The following PACSIN1 variants were observed in gnomAD, a reference collection of about 807,000 sequenced individuals.
PACSIN1 encodes protein kinase C and casein kinase substrate in neurons protein 1.
In PACSIN1, 15 loss-of-function variants were observed where a neutral mutation model predicts 59.5. The observed-to-expected ratio is 0.25, with a 90% CI of 0.17 to 0.39. The LOEUF is 0.39. PACSIN1 is among the 10% of genes least tolerant of loss of function. PACSIN1 has a pLI of 1.00. For synonymous variants in PACSIN1, 210 were observed against 220.6 expected (o/e 0.95, Z 0.42); for missense variants, 420 against 580.2 (o/e 0.72, Z 2.84).
In PACSIN1 at chr6:34,529,958, G is replaced by A; in HGVS notation, c.788+117G>A. 1 of 1,195,668 alleles carries A rather than the reference G, an allele frequency of 8.4e-7. No individual in the cohort carries two copies. The highest frequency in any genetic ancestry group is 1.5e-5 in the South Asian group (1 of 68,140). The allele number at this position is 1,195,668 out of a possible 1,614,324, so 74.1% of individuals were successfully genotyped here. ...CGGGAAGGGGAGGCAGAGCTGCAGGGGTCAAGAAGGATGAGGCTTCAAACA... is the reference window on the plus strand; with the variant it reads ...CGGGAAGGGGAGGCAGAGCTGCAGGAGTCAAGAAGGATGAGGCTTCAAACA... On this transcript the variant is annotated intron_variant, in intron 6 of 9. Coordinates refer to ENST00000244458, the MANE Select transcript of PACSIN1 (RefSeq NM_020804.5). This position sits in a 1 kb window ranked among gnomAD's most constrained non-coding sequence, Gnocchi z 6.3.
chr6:34,512,904 T>C (rs1581977055), intron 1 of PACSIN1, among the ~76,000 whole-genome samples: 1 of 152,226 alleles, frequency 6.6e-6, no homozygotes, highest in East Asian at 1.9e-4. Flanking sequence ...CCTTTGTCAT[T>C]GTGGACAAAC....
At chr6:34,492,195 C>CCCT (rs1766887089) in intron 1 of PACSIN1, among the ~76,000 whole-genome samples, 1 of 80,182 alleles carries the variant, frequency 1.2e-5, no homozygotes, top group African/African-American at 4.7e-5. Flanking sequence ...CTTTTTTGAC[C>CCCT]TTTTTTTTTT....
chr6:34,491,016 G>T (rs2127252626), intron 1 of PACSIN1, among the ~76,000 whole-genome samples: 1 of 151,864 alleles, frequency 6.6e-6, no homozygotes, highest in East Asian at 1.9e-4. Context: ...GCTCGCCGGG[G>T]GTCACTTCTG....
At chr6:34,528,921 C>T (rs1490965422) in intron 4 of PACSIN1, 44 bp downstream of exon 4, 1 of 1,372,208 alleles carries the variant, frequency 7.3e-7, no homozygotes. Flanking sequence ...GTGGGCCCGT[C>T]TGATCAGAGG....
At position 34,528,656 on chromosome 6, in the gene PACSIN1, AG is replaced by A. The variant is rs1767531744; in HGVS notation, c.236del (p.Ser79ThrfsTer9). The A allele has an allele frequency of 6.2e-7, 1 of 1,613,684 alleles. No homozygotes were observed. The highest frequency in any genetic ancestry group is 8.5e-7 in the Non-Finnish European group (1 of 1,179,898). On this transcript the variant is annotated frameshift_variant, in exon 4 of 10. Transcript: ENST00000244458. LOFTEE classifies it high-confidence loss of function. The stretch of plus-strand genomic sequence containing the variant: ...CATTCCCTCAGGCCCACAGTATGGC[AG>A]CCTGGAGCGGGCCTGGGGTGCCATA... ...QLIEKGPQYG[S>X]LERAWGAIMT... is the part of the protein sequence containing the mutation.
Position 34,488,286 on chromosome 6 carries a change from CTAT to C in PACSIN1, c.-64+22021_-64+22023del, listed in dbSNP as rs1385648835. Among the ~76,000 whole-genome samples, 1 of 152,288 alleles carries C rather than the reference CTAT, an allele frequency of 6.6e-6. No individual in the cohort carries two copies. Among genetic ancestry groups the C allele is most frequent in the African/African-American group, 2.4e-5 (1 of 41,572 alleles). The stretch of plus-strand genomic sequence containing the variant: ...CCAGGGAATTACCTGGCTGCCAAGG[CTAT>C]TATTCTTCCCTGCCCCTTGCCATAC... On this transcript the variant is annotated intron_variant, in intron 1 of 9. Transcript: ENST00000244458. The surrounding 1 kb of genome is among the most constrained non-coding windows in gnomAD (Gnocchi z 4.7).
intron 1 of PACSIN1, among the ~76,000 whole-genome samples, chr6:34,470,934 T>C (rs1766563679): frequency 6.6e-6 from 1 of 152,176 alleles, no homozygotes; most frequent in Non-Finnish European, 1.5e-5. Context: ...GTGTCCTGAA[T>C]TTTTATTTTA....
At chr6:34,480,696 A>C (rs896217873) in intron 1 of PACSIN1, among the ~76,000 whole-genome samples, 8 of 152,156 alleles carry the variant, frequency 5.3e-5, no homozygotes, top group South Asian at 2.1e-4. Context: ...TTTCTGCTCT[A>C]TATATATCCC....
chr6:34,472,013 A>G (rs1766577845), intron 1 of PACSIN1, among the ~76,000 whole-genome samples: 1 of 152,188 alleles, frequency 6.6e-6, no homozygotes, highest in Non-Finnish European at 1.5e-5. Flanking sequence ...TCACGTACTG[A>G]TAAGTTAAAG....
Position 34,514,600 on chromosome 6 carries a change from G to A in PACSIN1, c.-63-11643G>A, listed in dbSNP as rs1007166590. On this transcript the variant is annotated intron_variant, in intron 1 of 9. Transcript: ENST00000244458. The surrounding 1 kb of genome is among the most constrained non-coding windows in gnomAD (Gnocchi z 4.4). ...TCTTGGGGAGAAAGGGAAGAAAGGG[G>A]ATGGAGCAGGGCTTCCCAGTCGAGG... Among the ~76,000 whole-genome samples the A allele has an allele frequency of 4.3e-4, 65 of 152,110 alleles. No homozygotes were observed. The highest frequency in any genetic ancestry group is 1.5e-3 in the African/African-American group (63 of 41,424).
intron 1 of PACSIN1, among the ~76,000 whole-genome samples, chr6:34,522,818 G>A (rs1767416617): frequency 6.6e-6 from 1 of 152,248 alleles, no homozygotes; most frequent in Non-Finnish European, 1.5e-5. Flanking sequence ...AAAGGCCACA[G>A]AACCTGGAGA....
chr6:34,507,369 T>G (rs1387136160), intron 1 of PACSIN1, among the ~76,000 whole-genome samples: 1 of 152,118 alleles, frequency 6.6e-6, no homozygotes, highest in Non-Finnish European at 1.5e-5. Flanking sequence ...CTGTTTGTTT[T>G]ATATATAGGG....
At chr6:34,481,416 C>T (rs2127245232) in intron 1 of PACSIN1, among the ~76,000 whole-genome samples, 1 of 152,262 alleles carries the variant, frequency 6.6e-6, no homozygotes, top group South Asian at 2.1e-4. Flanking sequence ...GGTGCGGTGG[C>T]TCACGCCTGT....
chr6:34,513,379 G>T (rs73746666), intron 1 of PACSIN1, among the ~76,000 whole-genome samples: 2,293 of 152,244 alleles, frequency 0.015, 50 homozygotes, highest in African/African-American at 0.047. Flanking sequence ...TCTGGGGAGT[G>T]TGGGGTCCCT....
chr6:34,506,997 G>T (rs1320625392), intron 1 of PACSIN1, among the ~76,000 whole-genome samples: 2 of 152,204 alleles, frequency 1.3e-5, no homozygotes. Flanking sequence ...TGGGCCTGGG[G>T]CTGTAGTTTC....
chr6:34,478,304 C>T (rs1378290274), intron 1 of PACSIN1, among the ~76,000 whole-genome samples: 2 of 151,102 alleles, frequency 1.3e-5, no homozygotes, highest in South Asian at 2.1e-4. Flanking sequence ...AGTGATCCAC[C>T]CTCCTCGGCC....
chr6:34,501,027 T>C (rs1173959158), intron 1 of PACSIN1, among the ~76,000 whole-genome samples: 1 of 152,268 alleles, frequency 6.6e-6, no homozygotes, highest in African/African-American at 2.4e-5. Context: ...TAAGGGAATG[T>C]TGTAGCTGTT....
chr6:34,491,967 T>G (rs968337158), intron 1 of PACSIN1, among the ~76,000 whole-genome samples: 10 of 152,128 alleles, frequency 6.6e-5, no homozygotes, highest in Non-Finnish European at 1.3e-4. Context: ...TTGTGACTAG[T>G]GTAAAGATGA....
chr6:34,529,377 C>T lies in PACSIN1; in HGVS notation c.457-20C>T. 1 of 1,613,622 alleles carries T rather than the reference C, an allele frequency of 6.2e-7. No homozygotes were observed. Among genetic ancestry groups the T allele is most frequent in the Non-Finnish European group, 8.5e-7 (1 of 1,179,700 alleles). On this transcript the variant is annotated intron_variant, in intron 4 of 9. Coordinates refer to ENST00000244458, the MANE Select transcript of PACSIN1 (RefSeq NM_020804.5). The surrounding 1 kb of genome is among the most constrained non-coding windows in gnomAD (Gnocchi z 6.3). ...TGGTCACAAATGAAAACCCTACTCC[C>T]TATTCCCCCCTCCCCACAGCTGGAG... is the stretch of plus-strand genomic sequence containing the variant.
Sources: gnomAD v4.1 joint callset for allele counts (sites outside exome capture counted in the v4.1 genomes callset) on GRCh38, gnomAD v4.1.1 for gene constraint, Gnocchi (gnomAD v3.1) non-coding constraint, MANE v1.5 for transcripts, NCBI Gene and HGNC (gene_info 2026-07-23, HGNC 2026-07-21) for gene names.